The following MEIOSIN variants were observed in gnomAD, a reference collection of about 807,000 sequenced individuals.
The protein encoded by MEIOSIN is meiosis initiator protein.
Under a neutral mutation model 23.4 loss-of-function variants are expected in MEIOSIN, and 18 were observed. The observed-to-expected ratio is 0.77, with a 90% CI of 0.53 to 1.14. The LOEUF (loss-of-function observed/expected upper bound fraction) is 1.14. Ranked by LOEUF, MEIOSIN falls within the 50% of genes most tolerant of loss-of-function variation. The probability of loss-of-function intolerance (pLI) is 0.00; values close to 1 mark genes in which losing one functional copy is unlikely to be tolerated. For missense variants in MEIOSIN, 428 were observed against 242.9 expected, an observed-to-expected ratio of 1.76 and a Z score of -5.07; for synonymous variants, 187 against 100.6, an observed-to-expected ratio of 1.86 and a Z score of -5.14.
intron 4 of MEIOSIN, among the ~76,000 whole-genome samples, chr19:45,746,270 C>T (rs372112627): frequency 1.3e-5 from 2 of 152,166 alleles, no homozygotes; most frequent in African/African-American, 4.8e-5. Flanking sequence ...CCCAGCCAGT[C>T]TCACTGGTTT....
At chr19:45,736,715 C>T (rs1461542667) in intron 2 of MEIOSIN, among the ~76,000 whole-genome samples, 5 of 151,430 alleles carry the variant, frequency 3.3e-5, no homozygotes, top group Non-Finnish European at 7.4e-5. Context: ...ACTACAGGCG[C>T]CCACCACCAT....
At chr19:45,750,001 C>G (rs1307327298) in intron 4 of MEIOSIN, among the ~76,000 whole-genome samples, 2 of 138,382 alleles carry the variant, frequency 1.4e-5, no homozygotes, top group East Asian at 2.2e-4. Context: ...AAGACTCTGT[C>G]TCAAAAAAAA....
Position 45,751,052 on chromosome 19 carries a change from C to T in MEIOSIN, c.418+266C>T, listed in dbSNP as rs566443071. ...CTTTGGGAGGCCGAGGCGGGCGGAT[C>T]GCTTGAGGTCAGGAGTTCGAGACCA... On this transcript the variant is annotated intron_variant, in intron 5 of 14. Transcript: ENST00000457052. Among the ~76,000 whole-genome samples the T allele has an allele frequency of 9.2e-5, 14 of 152,060 alleles. No individual in the cohort carries two copies. The East Asian group carries it at 2.5e-3, about 27-fold the overall frequency.
At chr19:45,739,782 C>A (rs1968469577) in intron 3 of MEIOSIN, 52 bp downstream of exon 3, 2 of 702,642 alleles carry the variant, frequency 2.8e-6, no homozygotes, top group East Asian at 5.4e-5. Flanking sequence ...AAAAACATAG[C>A]CCATTGTTCA....
chr19:45,759,120 G>T (rs1280774925), intron 10 of MEIOSIN, 87 bp downstream of exon 10: 3 of 683,238 alleles, frequency 4.4e-6, no homozygotes, highest in Non-Finnish European at 8.0e-6. Context: ...GGGTGCCCGG[G>T]GTGAATCCTG....
At chr19:45,754,413 A>T in intron 6 of MEIOSIN, 66 bp from the exon 7 acceptor site, 1 of 657,652 alleles carries the variant, frequency 1.5e-6, no homozygotes, top group South Asian at 1.7e-5. Flanking sequence ...TCCCACCTGA[A>T]CCCTATTCTG....
intron 5 of MEIOSIN, 89 bp from the exon 6 acceptor site, chr19:45,753,562 G>A (rs1252719377): frequency 3.2e-6 from 2 of 627,242 alleles, no homozygotes; most frequent in Non-Finnish European, 2.9e-6. Context: ...CCTGACCCGG[G>A]ACTGAGGAGC....
rs139737227 is a variant in MEIOSIN, at chr19:45,754,228, C to T, written c.557-251C>T. 1.1e-3 allele frequency among the ~76,000 whole-genome samples: 166 copies of T among 152,320 alleles called. 3 individuals are homozygous for T. In the East Asian group the frequency reaches 0.029, roughly 27 times the overall value. On this transcript the variant is annotated intron_variant, in intron 6 of 14. Coordinates refer to ENST00000457052, the MANE Select transcript of MEIOSIN (RefSeq NM_001310124.2). Reference sequence around the variant, plus strand: ...CTGACCTCAAGTAATCTGCCTGCCTCGGCCTCCCAAAGCGCTGGGATTACA... The same window carrying T: ...CTGACCTCAAGTAATCTGCCTGCCTTGGCCTCCCAAAGCGCTGGGATTACA...
At chr19:45,758,288 C>A (rs1968871478) in intron 9 of MEIOSIN, among the ~76,000 whole-genome samples, 1 of 152,154 alleles carries the variant, frequency 6.6e-6, no homozygotes, top group Non-Finnish European at 1.5e-5. Context: ...GCCCCCGCAT[C>A]TGACCTCAGA....
chr19:45,742,648 A>G (rs1242465189), intron 3 of MEIOSIN, among the ~76,000 whole-genome samples: 1 of 151,866 alleles, frequency 6.6e-6, no homozygotes, highest in Non-Finnish European at 1.5e-5. Context: ...GCGTGGTGTC[A>G]GGCACCTGTA....
intron 3 of MEIOSIN, among the ~76,000 whole-genome samples, chr19:45,744,512 T>G (rs533566902): frequency 6.6e-6 from 1 of 152,136 alleles, no homozygotes; most frequent in South Asian, 2.1e-4. Flanking sequence ...TGTTTTGTTT[T>G]GTTTTGTTTT....
intron 9 of MEIOSIN, 109 bp downstream of exon 9, chr19:45,757,386 C>T (rs546401696): frequency 1.5e-5 from 9 of 616,072 alleles, no homozygotes; most frequent in African/African-American, 1.3e-4. Flanking sequence ...ATGGAGATCC[C>T]CTAAGCACAG....
chr19:45,739,876 T>C, intron 3 of MEIOSIN, 146 bp downstream of exon 3: 4 of 604,470 alleles, frequency 6.6e-6, no homozygotes, highest in Non-Finnish European at 1.2e-5. Flanking sequence ...AGACAGAGCT[T>C]TGCTCTTGTT....
At chr19:45,755,070 GGCCAGAGGGAGGGAGGTCGGA>G in intron 7 of MEIOSIN, among the ~76,000 whole-genome samples, 1 of 152,184 alleles carries the variant, frequency 6.6e-6, no homozygotes, top group Non-Finnish European at 1.5e-5. Flanking sequence ...CAGAGAGCTA[GGCCAGAGGGAGGGAGGTCGGA>G]GCTCGAGGCT....
At position 45,761,823 on chromosome 19, in the gene MEIOSIN, A is replaced by G; in HGVS notation, c.1390A>G (p.Ser464Gly). ...SSSSSSSSSS[S>G]SEDSDSEPLW... The stretch of plus-strand genomic sequence containing the variant: ...CAGCTCCAGCTCCAGCTCCAGCTCC[A>G]GCTCGGAGGACAGCGACTCGGAGCC... Residue 464 changes from serine to glycine, a missense_variant, in exon 12 of 15, where the codon AGC becomes GGC. Transcript: ENST00000457052. 1.4e-6 allele frequency: 1 copy of G among 700,248 alleles called. No homozygotes were observed. The allele number at this position is 700,248 out of a possible 1,614,324, so 43.4% of individuals were successfully genotyped here.
chr19:45,740,749 C>CAATAATAATAAT (rs201482275), intron 3 of MEIOSIN, among the ~76,000 whole-genome samples: 7 of 140,088 alleles, frequency 5.0e-5, no homozygotes, highest in East Asian at 2.1e-4. Flanking sequence ...GACTCCATCT[C>CAATAATAATAAT]AATAATAATA....
chr19:45,763,057 G>A (rs1012935414), intron 13 of MEIOSIN, among the ~76,000 whole-genome samples: 10 of 152,166 alleles, frequency 6.6e-5, no homozygotes, highest in Admixed American at 2.0e-4. Context: ...CTGGAGCCAG[G>A]GGATGGGGAG....
At chr19:45,746,948 G>A (rs760459688) in intron 4 of MEIOSIN, among the ~76,000 whole-genome samples, 9 of 152,132 alleles carry the variant, frequency 5.9e-5, no homozygotes, top group Non-Finnish European at 8.8e-5. Context: ...ACTTTGGGGG[G>A]ATGCATTATA....
chr19:45,751,157 A>C (rs964986747), intron 5 of MEIOSIN, among the ~76,000 whole-genome samples: 4 of 151,618 alleles, frequency 2.6e-5, no homozygotes, highest in African/African-American at 9.6e-5. Flanking sequence ...CTGTAATCCC[A>C]GCTACTTGGG....
Sources: allele counts gnomAD v4.1 joint callset (sites outside exome capture counted in the v4.1 genomes callset), GRCh38; gene constraint gnomAD v4.1.1; transcripts MANE v1.5; gene names NCBI Gene and HGNC (gene_info 2026-07-23, HGNC 2026-07-21).